Variants in TMEM196 observed in about 807,000 individuals in gnomAD.
TMEM196 encodes the protein transmembrane protein 196.
In TMEM196, 17 loss-of-function variants were observed where a neutral mutation model predicts 20.0. The observed-to-expected ratio is 0.85, with a 90% CI of 0.58 to 1.27. TMEM196 has a LOEUF of 1.27. Among genes scored for constraint, TMEM196 ranks in the 50% most tolerant of loss-of-function variants. The pLI is 0.00. For synonymous variants in TMEM196, 113 were observed against 88.9 expected, an observed-to-expected ratio of 1.27 and a Z score of -1.52; for missense variants, 267 against 223.0, an observed-to-expected ratio of 1.20 and a Z score of -1.26.
intron 1 of TMEM196, among the ~76,000 whole-genome samples, chr7:19,736,958 C>G (rs1435184682): frequency 6.6e-6 from 1 of 151,832 alleles, no homozygotes; most frequent in Non-Finnish European, 1.5e-5. Flanking sequence ...TTTTAGTTAA[C>G]TAGACCTAGA....
chr7:19,760,816 C>A (rs1007339216), intron 1 of TMEM196, among the ~76,000 whole-genome samples: 3 of 152,118 alleles, frequency 2.0e-5, no homozygotes, highest in Non-Finnish European at 4.4e-5. Context: ...ACATAAAACA[C>A]AGTAGCCGTG....
At chr7:19,733,863 C>T (rs573107581) in intron 1 of TMEM196, among the ~76,000 whole-genome samples, 10 of 152,278 alleles carry the variant, frequency 6.6e-5, no homozygotes, top group African/African-American at 9.6e-5. Context: ...TGAGATCAGG[C>T]GCACAAGGAC....
chr7:19,763,298 G>A (rs1027911168), intron 1 of TMEM196, among the ~76,000 whole-genome samples: 1 of 152,120 alleles, frequency 6.6e-6, no homozygotes, highest in Non-Finnish European at 1.5e-5. Flanking sequence ...TGCCATTGCT[G>A]TTATCAACAT....
intron 1 of TMEM196, among the ~76,000 whole-genome samples, chr7:19,741,234 A>T (rs763695595): frequency 6.6e-6 from 1 of 152,164 alleles, no homozygotes; most frequent in Non-Finnish European, 1.5e-5. Flanking sequence ...TTCGTTTGCA[A>T]TTACTGGCAT....
chr7:19,750,267 G>T (rs1044915917), intron 1 of TMEM196, among the ~76,000 whole-genome samples: 2 of 152,038 alleles, frequency 1.3e-5, no homozygotes, highest in Admixed American at 1.3e-4. Context: ...CAAAGTGATG[G>T]ATATCTTACT....
intron 1 of TMEM196, among the ~76,000 whole-genome samples, chr7:19,752,904 G>A (rs1310590102): frequency 6.6e-6 from 1 of 152,018 alleles, no homozygotes; most frequent in African/African-American, 2.4e-5. Flanking sequence ...TGAGCCACCC[G>A]CCCGGCCTTT....
At chr7:19,735,432 A>G (rs562737918) in intron 1 of TMEM196, among the ~76,000 whole-genome samples, 70 of 152,254 alleles carry the variant, frequency 4.6e-4, no homozygotes, top group East Asian at 2.1e-3. Context: ...TTTCCCTGCT[A>G]GTTTGTCTCT....
intron 1 of TMEM196, among the ~76,000 whole-genome samples, chr7:19,751,141 G>A (rs1323622706): frequency 6.6e-6 from 1 of 152,146 alleles, no homozygotes; most frequent in Non-Finnish European, 1.5e-5. Context: ...ATAAATGTTG[G>A]AAGAGAAAAT....
intron 1 of TMEM196, among the ~76,000 whole-genome samples, chr7:19,736,389 ATATATATATAT>A (rs1784408488): frequency 2.0e-5 from 1 of 50,384 alleles, no homozygotes; most frequent in South Asian, 7.0e-4. Context: ...ATATATATAT[ATATATATATAT>A]AAATTATCTC....
At chr7:19,754,315 C>T (rs1785115251) in intron 1 of TMEM196, among the ~76,000 whole-genome samples, 1 of 152,088 alleles carries the variant, frequency 6.6e-6, no homozygotes, top group Non-Finnish European at 1.5e-5. Context: ...ACTCTAAAGC[C>T]CTTGGATCCA....
intron 1 of TMEM196, among the ~76,000 whole-genome samples, chr7:19,765,661 C>G (rs994039524): frequency 1.3e-5 from 2 of 151,984 alleles, no homozygotes; most frequent in African/African-American, 4.8e-5. Flanking sequence ...AATCTGATTG[C>G]CAAGTAGCTT....
rs377512826 is a variant in TMEM196, at chr7:19,739,055, A to G, written c.148-9617T>C. On this transcript the variant is annotated intron_variant, in intron 1 of 4. Coordinates refer to ENST00000405844, the MANE Select transcript of TMEM196 (RefSeq NM_001363562.2). ...TGTTGATGGTACATATCCTTCATAC[A>G]ATGTGATGAAAATGGCAGGGATGCC... Among the ~76,000 whole-genome samples, 4 of 152,184 alleles carry G rather than the reference A, an allele frequency of 2.6e-5. No homozygotes were observed. The East Asian group carries it at 7.7e-4, about 29-fold the overall frequency.
intron 1 of TMEM196, among the ~76,000 whole-genome samples, chr7:19,745,551 A>T (rs1224023052): frequency 1.3e-5 from 2 of 151,970 alleles, no homozygotes; most frequent in Non-Finnish European, 2.9e-5. Context: ...AGCTGGGGAT[A>T]AAGCCTAACA....
intron 1 of TMEM196, among the ~76,000 whole-genome samples, chr7:19,742,549 C>G (rs1182674643): frequency 6.6e-6 from 1 of 152,062 alleles, no homozygotes. Context: ...ATGTTTTATT[C>G]AATAATCCTA....
intron 1 of TMEM196, among the ~76,000 whole-genome samples, chr7:19,754,139 T>C (rs944819407): frequency 6.6e-6 from 1 of 152,204 alleles, no homozygotes; most frequent in African/African-American, 2.4e-5. Context: ...TGTGTGGCTT[T>C]GAGAAAGTTA....
chr7:19,722,268 C>A, intron 4 of TMEM196, 134 bp from the exon 5 acceptor site: 1 of 675,052 alleles, frequency 1.5e-6, no homozygotes, highest in Non-Finnish European at 2.5e-6. Flanking sequence ...AAGGATATTG[C>A]TGTTATATTT....
chr7:19,750,610 T>C lies in TMEM196; in HGVS notation c.148-21172A>G, dbSNP rs975993926. 2.6e-5 allele frequency among the ~76,000 whole-genome samples: 4 copies of C among 152,294 alleles called. No individual in the cohort carries two copies. In the South Asian group the frequency reaches 8.3e-4, roughly 32 times the overall value. ...GTGCTTTACCGAGACCAGGCCATTT[T>C]CTACTCCCAAATAGGACAACAGAGA... On this transcript the variant is annotated intron_variant, in intron 1 of 4. Coordinates refer to ENST00000405844, the MANE Select transcript of TMEM196 (RefSeq NM_001363562.2).
At chr7:19,733,163 T>C (rs975286635) in intron 1 of TMEM196, among the ~76,000 whole-genome samples, 2 of 152,192 alleles carry the variant, frequency 1.3e-5, no homozygotes, top group African/African-American at 4.8e-5. Flanking sequence ...TTGATTCCAA[T>C]TTAGATTATA....
At chr7:19,760,467 T>G (rs1295673021) in intron 1 of TMEM196, among the ~76,000 whole-genome samples, 1 of 151,276 alleles carries the variant, frequency 6.6e-6, no homozygotes, top group Non-Finnish European at 1.5e-5. Context: ...TTCAAGCGAT[T>G]TTTCTTCCTC....
Sources: allele counts gnomAD v4.1 joint callset (sites outside exome capture counted in the v4.1 genomes callset), GRCh38; gene constraint gnomAD v4.1.1; transcripts MANE v1.5; gene names NCBI Gene and HGNC (gene_info 2026-07-23, HGNC 2026-07-21).